PRKCA: variants seen among roughly 807,000 people sequenced by gnomAD.
PRKCA encodes protein kinase C alpha type.
Under a neutral mutation model 87.0 loss-of-function variants are expected in PRKCA, and 27 were observed. The ratio of observed to expected loss-of-function variants is 0.31; its 90% CI spans 0.23 to 0.43. The LOEUF (loss-of-function observed/expected upper bound fraction) is 0.43, where lower values mean the gene tolerates loss of function less well. PRKCA is among the 20% of genes least tolerant of loss of function. PRKCA has a pLI of 1.00. For synonymous variants in PRKCA, 329 were observed against 311.1 expected, an observed-to-expected ratio of 1.06 and a Z score of -0.61; for missense variants, 518 against 852.3, an observed-to-expected ratio of 0.61 and a Z score of 4.88.
chr17:66,676,191 A>T (rs1972323806), intron 5 of PRKCA, among the ~76,000 whole-genome samples: 1 of 152,190 alleles, frequency 6.6e-6, no homozygotes, highest in African/African-American at 2.4e-5. Context: ...AGACGCAAAC[A>T]AACCCTGAGA....
At position 66,737,148 on chromosome 17, in the gene PRKCA, C is replaced by G. The variant is rs542914745; in HGVS notation, c.1230+1486C>G. Among the ~76,000 whole-genome samples the G allele has an allele frequency of 3.8e-4, 56 of 148,988 alleles. 2 individuals are homozygous for G. In the South Asian group the frequency reaches 0.011, roughly 30 times the overall value. On this transcript the variant is annotated intron_variant, in intron 10 of 16. Transcript: ENST00000413366. ...CGGGCAGATCACGAGATCAGGAGATCGAGACCATCCTGGCTAACACGGTGA... is the reference window on the plus strand; with the variant it reads ...CGGGCAGATCACGAGATCAGGAGATGGAGACCATCCTGGCTAACACGGTGA...
intron 2 of PRKCA, among the ~76,000 whole-genome samples, chr17:66,422,129 A>G (rs1912530803): frequency 6.6e-6 from 1 of 152,068 alleles, no homozygotes; most frequent in South Asian, 2.1e-4. Flanking sequence ...CTACCAGATT[A>G]GGGCCCACCT....
chr17:66,711,329 G>GT (rs2144126206), intron 8 of PRKCA, among the ~76,000 whole-genome samples: 1 of 152,318 alleles, frequency 6.6e-6, no homozygotes, highest in South Asian at 2.1e-4. Flanking sequence ...GGATGATGTA[G>GT]TGTAATATAT....
intron 2 of PRKCA, among the ~76,000 whole-genome samples, chr17:66,312,625 C>T (rs1905135431): frequency 6.6e-6 from 1 of 152,132 alleles, no homozygotes; most frequent in African/African-American, 2.4e-5. Context: ...CTTTCCTCAA[C>T]CCCGTTTGCC....
chr17:66,653,703 C>A (rs915117577), intron 5 of PRKCA, among the ~76,000 whole-genome samples: 8 of 152,002 alleles, frequency 5.3e-5, no homozygotes, highest in African/African-American at 1.9e-4. Context: ...TGCATCTCCC[C>A]TCCCCTTGGA....
chr17:66,468,657 C>T (rs1455199223), intron 2 of PRKCA, among the ~76,000 whole-genome samples: 1 of 152,074 alleles, frequency 6.6e-6, no homozygotes, highest in Non-Finnish European at 1.5e-5. Context: ...GGTCTGAAAC[C>T]AGCTAACTAT....
chr17:66,535,901 T>C (rs1967762453), intron 3 of PRKCA, among the ~76,000 whole-genome samples: 1 of 152,170 alleles, frequency 6.6e-6, no homozygotes, highest in South Asian at 2.1e-4. Flanking sequence ...GAAATAAAAG[T>C]GAAAACTTAC....
At chr17:66,522,363 T>G (rs940580775) in intron 3 of PRKCA, among the ~76,000 whole-genome samples, 1 of 152,208 alleles carries the variant, frequency 6.6e-6, no homozygotes, top group Non-Finnish European at 1.5e-5. Context: ...GTAGTATCTT[T>G]ATGAGTTTAT....
chr17:66,355,327 C>T (rs529091323), intron 2 of PRKCA, among the ~76,000 whole-genome samples: 80 of 152,212 alleles, frequency 5.3e-4, no homozygotes, highest in African/African-American at 1.9e-3. Context: ...TGGTGAGGCT[C>T]CTTCCTCTCC....
chr17:66,486,854 G>C (rs1019503321), intron 2 of PRKCA, among the ~76,000 whole-genome samples: 1 of 151,930 alleles, frequency 6.6e-6, no homozygotes, highest in African/African-American at 2.4e-5. Context: ...GGGTACATCT[G>C]ATATTTTGAT....
chr17:66,388,861 G>A (rs973154596), intron 2 of PRKCA, among the ~76,000 whole-genome samples: 2 of 152,116 alleles, frequency 1.3e-5, no homozygotes, highest in East Asian at 1.9e-4. Context: ...CCGCAGAGCC[G>A]TGTCTTGCAT....
At chr17:66,547,440 T>A (rs374936663) in intron 3 of PRKCA, among the ~76,000 whole-genome samples, 21 of 152,046 alleles carry the variant, frequency 1.4e-4, no homozygotes, top group African/African-American at 4.3e-4. Flanking sequence ...TCCTAGCATC[T>A]AGGATGTCAC....
Position 66,590,827 on chromosome 17 carries a change from G to C in PRKCA, c.289-50528G>C, listed in dbSNP as rs146139240. Among the ~76,000 whole-genome samples, 359 of 152,128 alleles carry C rather than the reference G, an allele frequency of 2.4e-3. 4 individuals are homozygous for C. The highest frequency in any genetic ancestry group is 8.2e-3 in the African/African-American group (339 of 41,496). On this transcript the variant is annotated intron_variant, in intron 3 of 16. Transcript: ENST00000413366. Reference sequence around the variant, plus strand: ...ATCACGCTACTGCACTCCAGCCTGGGCAACGGAGCAAGACTCCGTCTCAAA... The same window carrying C: ...ATCACGCTACTGCACTCCAGCCTGGCCAACGGAGCAAGACTCCGTCTCAAA...
At chr17:66,397,048 C>T (rs1400721128) in intron 2 of PRKCA, among the ~76,000 whole-genome samples, 2 of 137,532 alleles carry the variant, frequency 1.5e-5, no homozygotes. Flanking sequence ...TCACTGTAAC[C>T]TCTGCCTCCC....
At chr17:66,765,420 A>G (rs867555469) in intron 13 of PRKCA, among the ~76,000 whole-genome samples, 3 of 107,712 alleles carry the variant, frequency 2.8e-5, no homozygotes, top group African/African-American at 1.2e-4. Context: ...GACTTTGTCT[A>G]TATATATATA....
chr17:66,738,261 C>T (rs1015942213), intron 10 of PRKCA, among the ~76,000 whole-genome samples: 1 of 152,214 alleles, frequency 6.6e-6, no homozygotes, highest in Non-Finnish European at 1.5e-5. Flanking sequence ...ATATATTGAG[C>T]ATGTGTAATC....
intron 5 of PRKCA, among the ~76,000 whole-genome samples, chr17:66,667,924 A>T (rs549067165): frequency 5.1e-4 from 77 of 152,200 alleles, no homozygotes; most frequent in Non-Finnish European, 7.6e-4. Context: ...CTGAAATGTT[A>T]AGAAGATTCA....
At chr17:66,582,305 G>A (rs756477472) in intron 3 of PRKCA, among the ~76,000 whole-genome samples, 21 of 152,190 alleles carry the variant, frequency 1.4e-4, no homozygotes, top group Non-Finnish European at 2.1e-4. Flanking sequence ...AACCAGATGT[G>A]TTTTAGATTC....
chr17:66,412,668 A>C (rs1042243076), intron 2 of PRKCA: 19 of 152,106 alleles, frequency 1.2e-4, no homozygotes, highest in African/African-American at 4.6e-4. Flanking sequence ...TGAATTTCCC[A>C]AGCGCTTTTG....
Sources: gnomAD v4.1 joint callset for allele counts (sites outside exome capture counted in the v4.1 genomes callset) on GRCh38, gnomAD v4.1.1 for gene constraint, MANE v1.5 for transcripts, NCBI Gene and HGNC (gene_info 2026-07-23, HGNC 2026-07-21) for gene names.